SYNRG: variants seen among roughly 807,000 people sequenced by gnomAD.
The protein encoded by SYNRG is synergin gamma, also known as AP1 gamma subunit binding protein 1.
Under a neutral mutation model 130.9 loss-of-function variants are expected in SYNRG, and 37 were observed. The observed-to-expected ratio is 0.28, with a 90% confidence interval of 0.22 to 0.37. The LOEUF is 0.37. Ranked by LOEUF, SYNRG falls within the 10% of genes least tolerant of loss-of-function variation. The pLI is 1.00. For missense variants in SYNRG, 1,338 were observed against 1,588.9 expected, an observed-to-expected ratio of 0.84 and a Z score of 2.68; for synonymous variants, 539 against 568.1, an observed-to-expected ratio of 0.95 and a Z score of 0.73.
intron 1 of SYNRG, chr17:37,605,991 C>T (rs1401573411): frequency 7.1e-6 from 7 of 985,322 alleles, no homozygotes; most frequent in Non-Finnish European, 8.4e-6. Context: ...AGACATCTTT[C>T]TAAATGATGG....
intron 14 of SYNRG, among the ~76,000 whole-genome samples, chr17:37,546,863 A>G (rs2058320988): frequency 6.6e-6 from 1 of 152,226 alleles, no homozygotes; most frequent in South Asian, 2.1e-4. Flanking sequence ...TTCATTTACT[A>G]AAGCAAACCA....
chr17:37,547,762 C>A (rs1158796561), intron 14 of SYNRG, among the ~76,000 whole-genome samples: 1 of 152,110 alleles, frequency 6.6e-6, no homozygotes, highest in Admixed American at 6.5e-5. Flanking sequence ...TGTGCCTGGC[C>A]GTCATTTGCT....
chr17:37,600,636 T>C, intron 1 of SYNRG: 1 of 645,692 alleles, frequency 1.5e-6, no homozygotes, highest in Non-Finnish European at 2.8e-6. Context: ...AAATTAGTCC[T>C]GGCTCTGTCA....
chr17:37,560,812 G>A (rs1415771219), intron 13 of SYNRG, among the ~76,000 whole-genome samples: 3 of 151,416 alleles, frequency 2.0e-5, no homozygotes, highest in Non-Finnish European at 2.9e-5. Context: ...CTACAGGTGC[G>A]CACCATCACA....
At chr17:37,608,154 G>C (rs1362183977) in intron 1 of SYNRG, among the ~76,000 whole-genome samples, 1 of 151,748 alleles carries the variant, frequency 6.6e-6, no homozygotes, top group African/African-American at 2.4e-5. Flanking sequence ...AAGATGTGCA[G>C]AGGAAATGAA....
rs555260429 is a variant in SYNRG, at chr17:37,568,692, A to G, written c.1481+99T>C. 35 of 1,259,406 alleles carry G rather than the reference A, an allele frequency of 2.8e-5. No homozygotes were observed. In the African/African-American group the frequency reaches 4.5e-4, roughly 16 times the overall value. 78.0% of individuals were successfully genotyped at this position (1,259,406 alleles called of 1,614,324 possible). ...AAACACAGAAAGTAGTAGAGTAAGG[A>G]GTCTTAATTTTTAAATTTCTCACAC... On this transcript the variant is annotated intron_variant, in intron 11 of 21. Transcript: ENST00000612223.
Position 37,590,167 on chromosome 17 carries a change from CA to C in SYNRG, c.241-3619del, listed in dbSNP as rs539326843. 2.3e-3 allele frequency among the ~76,000 whole-genome samples: 182 copies of C among 80,006 alleles called. No individual in the cohort carries two copies. In the Middle Eastern group the frequency reaches 0.035, roughly 15 times the overall value. The allele number at this position is 80,006 out of a possible 152,430, so 52.5% of individuals were successfully genotyped here. On this transcript the variant is annotated intron_variant, in intron 3 of 21. Coordinates refer to ENST00000612223, the MANE Select transcript of SYNRG (RefSeq NM_007247.6). ...TGGGCGACAGGGCGAGACTCTGTCT[CA>C]AAAAAAAAAAAAAGAAAAGAAAAGA...
Position 37,540,508 on chromosome 17 carries a change from C to T in SYNRG, c.3238G>A (p.Glu1080Lys). Residue 1080 changes from glutamate to lysine, a missense_variant, in exon 16 of 22, where the codon GAA (glutamate) becomes AAA (lysine). Physicochemically the swap from Glu to Lys is moderately conservative, Grantham distance 56. Coordinates refer to ENST00000612223, the MANE Select transcript of SYNRG (RefSeq NM_007247.6). ...GGAGAAGGAGAAGAACGGCTTATTT[C>T]TTTATCACCAAGGCTCAAACTCCTC... ...HKRSLSLGDKEISRSSPSPAL... is the reference protein window; with the variant it reads ...HKRSLSLGDKKISRSSPSPAL... 1 of 1,613,986 alleles carries T rather than the reference C, an allele frequency of 6.2e-7. No homozygotes were observed. Among genetic ancestry groups the T allele is most frequent in the South Asian group, 1.1e-5 (1 of 91,082 alleles).
Position 37,517,356 on chromosome 17 carries a change from C to T in SYNRG, c.*1584G>A, listed in dbSNP as rs890274875. On this transcript the variant is annotated 3_prime_UTR_variant, in exon 22 of 22. Transcript: ENST00000612223. ...GCTGTCCCACTTGTGTTGTTAGAAACACCCCACTAGCCTTGTGGTGGGCAA... is the reference window on the plus strand; with the variant it reads ...GCTGTCCCACTTGTGTTGTTAGAAATACCCCACTAGCCTTGTGGTGGGCAA... 6.6e-6 allele frequency: 1 copy of T among 152,166 alleles called. No individual in the cohort carries two copies. Among genetic ancestry groups the T allele is most frequent in the African/African-American group, 2.4e-5 (1 of 41,414 alleles). The allele number at this position is 152,166 out of a possible 1,614,324, so 9.4% of individuals were successfully genotyped here. A position where few individuals can be genotyped will look rare whatever the true frequency, so the allele number is the denominator to read the frequency against.
chr17:37,539,753 A>C (rs1270178707), intron 16 of SYNRG, among the ~76,000 whole-genome samples: 1 of 152,238 alleles, frequency 6.6e-6, no homozygotes, highest in Non-Finnish European at 1.5e-5. Context: ...TGTGAGTCTA[A>C]GGGACATGCT....
At chr17:37,572,451 A>T (rs1461795894) in intron 8 of SYNRG, among the ~76,000 whole-genome samples, 1 of 152,162 alleles carries the variant, frequency 6.6e-6, no homozygotes, top group Non-Finnish European at 1.5e-5. Flanking sequence ...AGAAAAAAAA[A>T]TTTGAGATAT....
intron 3 of SYNRG, among the ~76,000 whole-genome samples, chr17:37,587,290 C>T (rs945205860): frequency 6.6e-5 from 10 of 152,068 alleles, no homozygotes; most frequent in African/African-American, 2.2e-4. Flanking sequence ...GGGCTATAAG[C>T]GTGTGCCCTC....
At position 37,561,103 on chromosome 17, in the gene SYNRG, A is replaced by C. The variant is rs1364641623; in HGVS notation, c.1663+92T>G. On this transcript the variant is annotated intron_variant, in intron 13 of 21. Transcript: ENST00000612223. ...TAAACACACAGACACACACACACTA[A>C]AATAAAGGGAATGCCACTGAAAGAA... is the stretch of plus-strand genomic sequence containing the variant. The C allele has an allele frequency of 2.8e-6, 3 of 1,089,472 alleles. No individual in the cohort carries two copies. In the African/African-American group the frequency reaches 4.8e-5, roughly 17 times the overall value. 67.5% of individuals were successfully genotyped at this position (1,089,472 alleles called of 1,614,324 possible). A position where few individuals can be genotyped will look rare whatever the true frequency, so the allele number is the denominator to read the frequency against.
At chr17:37,529,901 GT>G in intron 19 of SYNRG, 1 of 1,516,522 alleles carries the variant, frequency 6.6e-7, no homozygotes. Context: ...TAGAAATCTA[GT>G]TTTCAAGTGT....
intron 19 of SYNRG, among the ~76,000 whole-genome samples, chr17:37,534,545 A>G (rs994708702): frequency 2.0e-5 from 3 of 152,002 alleles, no homozygotes; most frequent in African/African-American, 7.2e-5. Context: ...TAGATTTTTA[A>G]AAGAATTTCA....
At chr17:37,577,694 T>TA in intron 6 of SYNRG, 81 bp from the exon 7 acceptor site, 90 of 942,630 alleles carry the variant, frequency 9.5e-5, no homozygotes, top group Non-Finnish European at 1.3e-4. Flanking sequence ...ACCCCCATAT[T>TA]CTTTTTTTTT....
chr17:37,605,621 A>G lies in SYNRG; in HGVS notation c.77+3658T>C, dbSNP rs145456928. ...CTGCTTAGTGACCTATGAAAAATTC[A>G]TATTTTTCTCTGAAATGTTTAGACA... On this transcript the variant is annotated intron_variant, in intron 1 of 21. Transcript: ENST00000612223. Among the ~76,000 whole-genome samples the G allele has an allele frequency of 3.9e-3, 590 of 152,368 alleles. 4 individuals carry two copies. The highest frequency in any genetic ancestry group is 0.014 in the African/African-American group (562 of 41,584).
intron 19 of SYNRG, among the ~76,000 whole-genome samples, chr17:37,523,303 A>T (rs2055379518): frequency 6.6e-6 from 1 of 152,096 alleles, no homozygotes; most frequent in Non-Finnish European, 1.5e-5. Flanking sequence ...CTGGGACTAC[A>T]GGTGTGTGCC....
chr17:37,561,384 C>T, intron 12 of SYNRG, 87 bp downstream of exon 12: 1 of 1,423,200 alleles, frequency 7.0e-7, no homozygotes, highest in South Asian at 1.2e-5. Flanking sequence ...ACATATTTAG[C>T]ACAGAAGACC....
Sources: allele counts gnomAD v4.1 joint callset (sites outside exome capture counted in the v4.1 genomes callset), GRCh38; gene constraint gnomAD v4.1.1; transcripts MANE v1.5; gene names NCBI Gene and HGNC (gene_info 2026-07-23, HGNC 2026-07-21).